Variants in FLRT2 observed in about 807,000 individuals in gnomAD.
The protein encoded by FLRT2 is leucine-rich repeat transmembrane protein FLRT2.
A neutral mutation model predicts 40.0 loss-of-function variants in FLRT2; 15 were observed. That is an observed-to-expected ratio of 0.38 (90% CI 0.25 to 0.58). FLRT2 has a LOEUF of 0.58. Ranked by LOEUF, FLRT2 falls within the 20% of genes least tolerant of loss-of-function variation. FLRT2 has a pLI of 0.71. For synonymous variants in FLRT2, 380 were observed against 336.8 expected, an observed-to-expected ratio of 1.13 and a Z score of -1.41; for missense variants, 726 against 840.0, an observed-to-expected ratio of 0.86 and a Z score of 1.68.
chr14:85,583,970 A>G, intron 1 of FLRT2, among the ~76,000 whole-genome samples: 1 of 151,880 alleles, frequency 6.6e-6, no homozygotes. Context: ...TTAAAAAAAA[A>G]AAAAAAAGAC....
intron 1 of FLRT2, among the ~76,000 whole-genome samples, chr14:85,568,260 G>A (rs959575249): frequency 3.3e-5 from 5 of 151,990 alleles, no homozygotes; most frequent in Admixed American, 2.0e-4. Flanking sequence ...GAGGCAGAGC[G>A]CATAGTTTTG....
At chr14:85,545,309 A>G (rs1020426776) in intron 1 of FLRT2, among the ~76,000 whole-genome samples, 3 of 152,196 alleles carry the variant, frequency 2.0e-5, no homozygotes, top group Non-Finnish European at 4.4e-5. Flanking sequence ...CTTGTACAGT[A>G]GGTTCTGTTG....
chr14:85,539,388 AT>A (rs200053304), intron 1 of FLRT2, among the ~76,000 whole-genome samples: 2 of 147,180 alleles, frequency 1.4e-5, no homozygotes, highest in East Asian at 2.0e-4. Context: ...GTAAAAAAAA[AT>A]CACAAGCCTA....
intron 1 of FLRT2, among the ~76,000 whole-genome samples, chr14:85,594,963 A>G (rs1040761322): frequency 3.9e-5 from 6 of 152,230 alleles, no homozygotes; most frequent in African/African-American, 1.4e-4. Context: ...TAAGGAAAAT[A>G]CATTTACTTA....
chr14:85,637,816 C>T lies in FLRT2; in HGVS notation c.*14319C>T, dbSNP rs928708761. 6.6e-6 allele frequency: 1 copy of T among 152,136 alleles called. No homozygotes were observed. The highest frequency in any genetic ancestry group is 2.4e-5 in the African/African-American group (1 of 41,416). 9.4% of individuals were successfully genotyped at this position (152,136 alleles called of 1,614,324 possible). On this transcript the variant is annotated 3_prime_UTR_variant, in exon 2 of 2. Transcript: ENST00000330753. ...TGAAAAAGCTGGCAGGGCACACACT[C>T]TTGCAAATTTTTCATGTTGTAATCA...
At chr14:85,545,926 TGA>T (rs1412892288) in intron 1 of FLRT2, among the ~76,000 whole-genome samples, 1 of 152,212 alleles carries the variant, frequency 6.6e-6, no homozygotes, top group Admixed American at 6.5e-5. Context: ...GTGTGGCCTC[TGA>T]GAGGGCCTGG....
intron 1 of FLRT2, among the ~76,000 whole-genome samples, chr14:85,582,764 C>A (rs927221901): frequency 3.3e-5 from 5 of 152,006 alleles, no homozygotes; most frequent in Admixed American, 2.6e-4. Flanking sequence ...GATTACATAT[C>A]TAGCTGTTTT....
chr14:85,550,862 G>C lies in FLRT2; in HGVS notation c.-377+20328G>C, dbSNP rs562689210. Among the ~76,000 whole-genome samples the C allele has an allele frequency of 2.6e-5, 4 of 152,218 alleles. No homozygotes were observed. The East Asian group carries it at 5.8e-4, about 22-fold the overall frequency. ...GAGGGGGTTTCATTGGAAAATTGTAGCATTTCCTTTATTAGCGACCCTTAA... is the reference window on the plus strand; with the variant it reads ...GAGGGGGTTTCATTGGAAAATTGTACCATTTCCTTTATTAGCGACCCTTAA... On this transcript the variant is annotated intron_variant, in intron 1 of 1. Coordinates refer to ENST00000330753, the MANE Select transcript of FLRT2 (RefSeq NM_013231.6).
At chr14:85,578,576 C>T (rs1950180) in intron 1 of FLRT2, among the ~76,000 whole-genome samples, 85,433 of 151,900 alleles carry the variant, frequency 0.56, 25,628 homozygotes, top group African/African-American at 0.78. Context: ...CAGGCCTGAC[C>T]TCAGGACAAA....
rs888817999 is a variant in FLRT2 at position 85,652,447 on chromosome 14, A to G, written c.*28950A>G. On this transcript the variant is annotated 3_prime_UTR_variant, in exon 2 of 2. Coordinates refer to ENST00000330753, the MANE Select transcript of FLRT2 (RefSeq NM_013231.6). Reference sequence around the variant, plus strand: ...TTTCCACCTTGAAGTTGTATTTGCCATTTTGTTTGTTGCCATAGGAAAATT... The same window carrying G: ...TTTCCACCTTGAAGTTGTATTTGCCGTTTTGTTTGTTGCCATAGGAAAATT... 1 of 152,106 alleles carries G rather than the reference A, an allele frequency of 6.6e-6. No individual in the cohort carries two copies. Among genetic ancestry groups the G allele is most frequent in the African/African-American group, 2.4e-5 (1 of 41,444 alleles). The allele number at this position is 152,106 out of a possible 1,614,324, so 9.4% of individuals were successfully genotyped here. A position where few individuals can be genotyped will look rare whatever the true frequency, so the allele number is the denominator to read the frequency against.
intron 1 of FLRT2, among the ~76,000 whole-genome samples, chr14:85,564,988 T>C (rs1890553367): frequency 6.6e-6 from 1 of 152,192 alleles, no homozygotes; most frequent in Non-Finnish European, 1.5e-5. Flanking sequence ...AGCAACAAAG[T>C]TATGAACTCT....
At chr14:85,617,773 TG>T (rs1310307304) in intron 1 of FLRT2, among the ~76,000 whole-genome samples, 1 of 152,214 alleles carries the variant, frequency 6.6e-6, no homozygotes, top group Non-Finnish European at 1.5e-5. Context: ...TGTTATTTTG[TG>T]GGATTCCCAA....
At chr14:85,576,930 T>C (rs1179842120) in intron 1 of FLRT2, among the ~76,000 whole-genome samples, 1 of 152,218 alleles carries the variant, frequency 6.6e-6, no homozygotes, top group African/African-American at 2.4e-5. Flanking sequence ...TATTTCTATT[T>C]AGAAAAAGTG....
At chr14:85,585,872 C>A (rs367841120) in intron 1 of FLRT2, among the ~76,000 whole-genome samples, 1 of 151,646 alleles carries the variant, frequency 6.6e-6, no homozygotes, top group East Asian at 1.9e-4. Flanking sequence ...TGATGTTCTG[C>A]GGGAGTAATG....
At chr14:85,605,408 A>G (rs980217439) in intron 1 of FLRT2, among the ~76,000 whole-genome samples, 1 of 152,200 alleles carries the variant, frequency 6.6e-6, no homozygotes, top group Non-Finnish European at 1.5e-5. Flanking sequence ...TATAGTGTAC[A>G]TGTTACCTAA....
At chr14:85,585,566 C>A (rs1163259883) in intron 1 of FLRT2, among the ~76,000 whole-genome samples, 1 of 152,088 alleles carries the variant, frequency 6.6e-6, no homozygotes, top group Non-Finnish European at 1.5e-5. Flanking sequence ...GTAATCTCAG[C>A]ACACAGAAAG....
At chr14:85,572,201 G>C (rs377007084) in intron 1 of FLRT2, among the ~76,000 whole-genome samples, 143 of 151,990 alleles carry the variant, frequency 9.4e-4, no homozygotes, top group African/African-American at 3.4e-3. Flanking sequence ...CCTTTTCTCT[G>C]CTTATCTAAG....
At chr14:85,589,647 C>T (rs1223168646) in intron 1 of FLRT2, among the ~76,000 whole-genome samples, 1 of 152,072 alleles carries the variant, frequency 6.6e-6, no homozygotes. Flanking sequence ...GCTTTGGCTG[C>T]CTGTGCTTGT....
At chr14:85,567,703 C>T (rs1046679772) in intron 1 of FLRT2, among the ~76,000 whole-genome samples, 3 of 143,864 alleles carry the variant, frequency 2.1e-5, no homozygotes, top group East Asian at 2.1e-4. Flanking sequence ...TGCAGTGGCA[C>T]GATCTCTACT....
Sources: gnomAD v4.1 joint callset for allele counts (sites outside exome capture counted in the v4.1 genomes callset) on GRCh38, gnomAD v4.1.1 for gene constraint, MANE v1.5 for transcripts, NCBI Gene and HGNC (gene_info 2026-07-23, HGNC 2026-07-21) for gene names.